Variants in CTNNA3 observed in about 807,000 individuals in gnomAD.
The protein encoded by CTNNA3 is catenin alpha-3.
Under a neutral mutation model 95.7 loss-of-function variants are expected in CTNNA3, and 76 were observed. That is an observed-to-expected ratio of 0.79 (90% CI 0.66 to 0.96). The LOEUF is 0.96. Ranked by LOEUF, CTNNA3 falls within the 40% of genes least tolerant of loss-of-function variation. CTNNA3 has a pLI of 0.00. For synonymous variants in CTNNA3, 431 were observed against 374.4 expected, an observed-to-expected ratio of 1.15 and a Z score of -1.74; for missense variants, 1,191 against 1,089.8, an observed-to-expected ratio of 1.09 and a Z score of -1.31.
chr10:67,564,675 G>GTGTA (rs1554854240), intron 3 of CTNNA3, among the ~76,000 whole-genome samples: 19 of 67,884 alleles, frequency 2.8e-4, no homozygotes, highest in African/African-American at 1.2e-3. Context: ...GTGTGTGTGT[G>GTGTA]TGTATATATA....
At chr10:66,940,268 G>A (rs1001147029) in intron 7 of CTNNA3, among the ~76,000 whole-genome samples, 1 of 152,104 alleles carries the variant, frequency 6.6e-6, no homozygotes, top group African/African-American at 2.4e-5. Flanking sequence ...GGGAGGCCGA[G>A]GCAAGGAGGA....
chr10:66,720,694 C>G (rs566158137), intron 9 of CTNNA3, among the ~76,000 whole-genome samples: 1 of 151,906 alleles, frequency 6.6e-6, no homozygotes, highest in African/African-American at 2.4e-5. Flanking sequence ...AATAGCTGGG[C>G]GTGATGGTGG....
intron 10 of CTNNA3, among the ~76,000 whole-genome samples, chr10:66,599,216 C>A (rs1843830780): frequency 6.6e-6 from 1 of 151,954 alleles, no homozygotes; most frequent in African/African-American, 2.4e-5. Context: ...TAGGCAGCAT[C>A]TGGCAGAAAC....
In CTNNA3 at chr10:66,494,154, C is replaced by T. The variant is rs192804901; in HGVS notation, c.1531+26463G>A. 2.1e-4 allele frequency among the ~76,000 whole-genome samples: 32 copies of T among 152,024 alleles called. No homozygotes were observed. The East Asian group carries it at 6.0e-3, about 29-fold the overall frequency. ...AACTCCTGACCTCAGGTGATCCACC[C>T]GCCTCGACCTCCCAAAGTGCTGGGA... is the stretch of plus-strand genomic sequence containing the variant. On this transcript the variant is annotated intron_variant, in intron 11 of 17. Coordinates refer to ENST00000433211, the MANE Select transcript of CTNNA3 (RefSeq NM_013266.4).
chr10:66,199,806 T>TATATATATATATATA (rs1554887153), intron 13 of CTNNA3, among the ~76,000 whole-genome samples: 6 of 9,034 alleles, frequency 6.6e-4, no homozygotes, highest in South Asian at 7.9e-3. Flanking sequence ...TATATATATA[T>TATATATATATATATA]TTTTTTTTTT....
chr10:66,967,048 T>C (rs1228863651), intron 7 of CTNNA3, among the ~76,000 whole-genome samples: 1 of 152,046 alleles, frequency 6.6e-6, no homozygotes, highest in Non-Finnish European at 1.5e-5. Flanking sequence ...ATATTAAGTA[T>C]AACATAGAAC....
rs565742522 is a variant in CTNNA3, at chr10:66,829,174, G to A, written c.1048-53650C>T. Among the ~76,000 whole-genome samples the A allele has an allele frequency of 6.3e-3, 954 of 152,326 alleles. 7 individuals are homozygous for A. The highest frequency in any genetic ancestry group is 0.014 in the Middle Eastern group (4 of 294). On this transcript the variant is annotated intron_variant, in intron 7 of 17. Coordinates refer to ENST00000433211, the MANE Select transcript of CTNNA3 (RefSeq NM_013266.4). Reference sequence around the variant, plus strand: ...ACCTTGTAAACTCCCTTTATGGAAAGCAAGTTCTAAGGGCTGTTAATAGAT... The same window carrying A: ...ACCTTGTAAACTCCCTTTATGGAAAACAAGTTCTAAGGGCTGTTAATAGAT...
At chr10:67,750,673 A>G (rs879197655) in intron 1 of CTNNA3, 7 of 1,546,946 alleles carry the variant, frequency 4.5e-6, no homozygotes, top group Admixed American at 3.3e-5. Flanking sequence ...TAAAGGTAAT[A>G]TGATCGGTGG....
intron 9 of CTNNA3, among the ~76,000 whole-genome samples, chr10:66,697,850 A>G (rs10997316): frequency 1.3e-5 from 2 of 152,028 alleles, no homozygotes; most frequent in Non-Finnish European, 2.9e-5. Flanking sequence ...CTAGCATATT[A>G]TCTTTGGTTC....
At chr10:66,520,587 A>G in intron 11 of CTNNA3, 30 bp downstream of exon 11, 1 of 1,574,788 alleles carries the variant, frequency 6.4e-7, no homozygotes. Flanking sequence ...GACAAGAGAA[A>G]ATAAACAAAT....
In CTNNA3 at chr10:66,671,698, G is replaced by A. The variant is rs140847065; in HGVS notation, c.1282-49914C>T. 1.3e-3 allele frequency among the ~76,000 whole-genome samples: 202 copies of A among 152,242 alleles called. No individual in the cohort carries two copies. The Middle Eastern group carries it at 0.034, about 26-fold the overall frequency. On this transcript the variant is annotated intron_variant, in intron 9 of 17. Coordinates refer to ENST00000433211, the MANE Select transcript of CTNNA3 (RefSeq NM_013266.4). ...TCAGCTGATAAACCAGGTAGTAAAA[G>A]GAAATGATTAAGATCACAGGACTCT...
chr10:67,487,260 G>A (rs573894354), intron 5 of CTNNA3, among the ~76,000 whole-genome samples: 13 of 152,190 alleles, frequency 8.5e-5, no homozygotes, highest in Non-Finnish European at 4.4e-5. Context: ...ACTGTTATAG[G>A]TTTTGACAGT....
chr10:66,033,451 C>G (rs1056554113), intron 15 of CTNNA3, among the ~76,000 whole-genome samples: 4 of 152,012 alleles, frequency 2.6e-5, no homozygotes, highest in African/African-American at 4.8e-5. Flanking sequence ...TTTGTTTAAT[C>G]TGGATTCTAA....
chr10:67,651,972 A>G (rs1839890078), intron 1 of CTNNA3, among the ~76,000 whole-genome samples: 1 of 152,234 alleles, frequency 6.6e-6, no homozygotes, highest in African/African-American at 2.4e-5. Context: ...TCATGGTGCT[A>G]TAACAAATAT....
At chr10:66,285,908 C>T (rs2091579767) in intron 12 of CTNNA3, among the ~76,000 whole-genome samples, 1 of 151,798 alleles carries the variant, frequency 6.6e-6, no homozygotes, top group African/African-American at 2.4e-5. Flanking sequence ...TTTCACTAAA[C>T]ATTAAATTTT....
intron 7 of CTNNA3, among the ~76,000 whole-genome samples, chr10:66,980,904 T>C (rs2394318): frequency 0.83 from 125,567 of 152,122 alleles, 52,327 homozygotes; most frequent in East Asian, 1. Flanking sequence ...TTTTTCTTTC[T>C]TTTTTATTTA....
intron 11 of CTNNA3, among the ~76,000 whole-genome samples, chr10:66,457,304 A>T (rs189412343): frequency 6.6e-6 from 1 of 152,180 alleles, no homozygotes; most frequent in East Asian, 1.9e-4. Context: ...TTCAAACCAC[A>T]TGTCTAACAC....
chr10:67,372,771 A>G (rs369300100), intron 5 of CTNNA3, among the ~76,000 whole-genome samples: 6 of 152,224 alleles, frequency 3.9e-5, no homozygotes, highest in African/African-American at 1.2e-4. Context: ...GACTAACAGC[A>G]GATCTCTCGG....
intron 11 of CTNNA3, among the ~76,000 whole-genome samples, chr10:66,462,593 C>A (rs1212882185): frequency 6.6e-6 from 1 of 151,940 alleles, no homozygotes; most frequent in East Asian, 1.9e-4. Flanking sequence ...CAGCATTTAC[C>A]TGACAATGAT....
Sources: gnomAD v4.1 joint callset for allele counts (sites outside exome capture counted in the v4.1 genomes callset) on GRCh38, gnomAD v4.1.1 for gene constraint, MANE v1.5 for transcripts, NCBI Gene and HGNC (gene_info 2026-07-23, HGNC 2026-07-21) for gene names.